The following KNTC1 variants were observed in gnomAD, a reference collection of about 807,000 sequenced individuals.
The protein encoded by KNTC1 is kinetochore associated 1, also known as kinetochore-associated protein 1.
A neutral mutation model predicts 314.4 loss-of-function variants in KNTC1; 253 were observed. That is an observed-to-expected ratio of 0.80 (90% CI 0.73 to 0.89). The LOEUF (loss-of-function observed/expected upper bound fraction) is 0.89. KNTC1 is among the 40% of genes least tolerant of loss of function. KNTC1 has a pLI of 0.00. For missense variants in KNTC1, 2,475 were observed against 2,572.9 expected (o/e 0.96, Z 0.82); for synonymous variants, 901 against 901.4 (o/e 1.00, Z 0.01).
intron 20 of KNTC1, among the ~76,000 whole-genome samples, chr12:122,565,365 C>T (rs1250036679): frequency 6.6e-6 from 1 of 151,756 alleles, no homozygotes; most frequent in African/African-American, 2.4e-5. Flanking sequence ...AGTGATCCTC[C>T]TGCCTCGGCC....
chr12:122,569,327 C>T (rs1448034936), intron 21 of KNTC1, among the ~76,000 whole-genome samples: 1 of 152,128 alleles, frequency 6.6e-6, no homozygotes, highest in Non-Finnish European at 1.5e-5. Context: ...TTAAGGTTGG[C>T]CAAAGTTGGT....
At position 122,534,695 on chromosome 12, in the gene KNTC1, G is replaced by T; in HGVS notation, c.161G>T (p.Ser54Ile). Residue 54 changes from serine to isoleucine, a missense_variant, in exon 3 of 64, where the codon AGC (serine) becomes ATC (isoleucine). Coordinates refer to ENST00000333479, the MANE Select transcript of KNTC1 (RefSeq NM_014708.6). ...TTAAATCCAAAGATACAGGCATGCA[G>T]CTTAAGTGATGGGTTTATTATTGTA... ...ASLNPKIQAC[S>I]LSDGFIIVAD... The T allele has an allele frequency of 6.2e-7, 1 of 1,610,446 alleles. No homozygotes were observed. The highest frequency in any genetic ancestry group is 2.2e-5 in the East Asian group (1 of 44,826).
chr12:122,586,071 GTTTGT>G (rs140077437), intron 37 of KNTC1, among the ~76,000 whole-genome samples: 3 of 102,490 alleles, frequency 2.9e-5, no homozygotes, highest in South Asian at 2.7e-4. Context: ...TTTTTTGTGT[GTTTGT>G]TTTGTTTTGT....
intron 59 of KNTC1, 36 bp downstream of exon 59, chr12:122,618,581 A>G: frequency 6.8e-7 from 1 of 1,463,040 alleles, no homozygotes; most frequent in Non-Finnish European, 9.5e-7. Flanking sequence ...AAAAAAAAAA[A>G]GTTTGTTGCT....
rs1209095045 is a variant in KNTC1, at chr12:122,589,699, T to C, written c.3999+883T>C. ...GTTGCCCAGGCTGGTCTTGGACTCT[T>C]GGCCTCGAGCAATCCTTCCACCTTG... On this transcript the variant is annotated intron_variant, in intron 40 of 63. Coordinates refer to ENST00000333479, the MANE Select transcript of KNTC1 (RefSeq NM_014708.6). Among the ~76,000 whole-genome samples the C allele has an allele frequency of 3.9e-5, 6 of 151,992 alleles. No homozygotes were observed. In the East Asian group the frequency reaches 9.7e-4, roughly 24 times the overall value.
intron 3 of KNTC1, among the ~76,000 whole-genome samples, chr12:122,535,947 G>T (rs1321107798): frequency 1.4e-5 from 2 of 141,066 alleles, no homozygotes; most frequent in African/African-American, 5.3e-5. Context: ...AGGCTGTAGT[G>T]CAGTGGCACA....
chr12:122,569,989 G>A (rs1271064785), intron 22 of KNTC1, among the ~76,000 whole-genome samples, 165 bp downstream of exon 22: 1 of 152,196 alleles, frequency 6.6e-6, no homozygotes, highest in East Asian at 1.9e-4. Context: ...AGAAGGAGAT[G>A]TTATCATTTG....
chr12:122,553,466 A>G (rs1033989743), intron 16 of KNTC1, among the ~76,000 whole-genome samples: 1 of 152,022 alleles, frequency 6.6e-6, no homozygotes, highest in Non-Finnish European at 1.5e-5. Context: ...GCTATACTGC[A>G]ATAAGATTGG....
chr12:122,585,607 C>A (rs547935349), intron 36 of KNTC1, 29 bp from the exon 37 acceptor site: 4 of 1,612,140 alleles, frequency 2.5e-6, no homozygotes, highest in East Asian at 4.5e-5. Flanking sequence ...GTACTGAGTT[C>A]TCTCTTTTTT....
chr12:122,586,658 G>T, intron 37 of KNTC1, 43 bp from the exon 38 acceptor site: 1 of 971,938 alleles, frequency 1.0e-6, no homozygotes, highest in East Asian at 2.8e-5. Flanking sequence ...TTTTAGTGTG[G>T]CCATCTATTT....
intron 18 of KNTC1, 77 bp from the exon 19 acceptor site, chr12:122,561,841 GTTA>G: frequency 2.5e-6 from 3 of 1,221,750 alleles, no homozygotes; most frequent in Non-Finnish European, 2.3e-6. Context: ...AAAATTTTTT[GTTA>G]TTTCACAGAA....
At chr12:122,559,230 C>T (rs1309055676) in intron 18 of KNTC1, among the ~76,000 whole-genome samples, 1 of 152,044 alleles carries the variant, frequency 6.6e-6, no homozygotes, top group Non-Finnish European at 1.5e-5. Context: ...GTGGCACGCA[C>T]CTGTAGTCCC....
rs1201321436 is a variant in KNTC1, at chr12:122,618,463, T to TG, written c.6086-19_6086-18insG. On this transcript the variant is annotated intron_variant, in intron 58 of 63. Coordinates refer to ENST00000333479, the MANE Select transcript of KNTC1 (RefSeq NM_014708.6). Reference sequence around the variant, plus strand: ...TTGAGTGTGTGTATATCATGGTTGTTTTTTTGTTTTGTTTTCAGCCTCTTG... The same window carrying TG: ...TTGAGTGTGTGTATATCATGGTTGTTGTTTTTGTTTTGTTTTCAGCCTCTTG... 20 of 1,610,846 alleles carry TG rather than the reference T, an allele frequency of 1.2e-5. No homozygotes were observed. Among genetic ancestry groups the TG allele is most frequent in the East Asian group, 8.9e-5 (4 of 44,864 alleles).
At chr12:122,585,567 T>C in intron 36 of KNTC1, 69 bp from the exon 37 acceptor site, 1 of 1,524,584 alleles carries the variant, frequency 6.6e-7, no homozygotes, top group Non-Finnish European at 9.0e-7. Flanking sequence ...CTATAAGCCA[T>C]AGACCAGAAG....
chr12:122,606,685 A>G (rs184419575), intron 51 of KNTC1, among the ~76,000 whole-genome samples: 1 of 152,234 alleles, frequency 6.6e-6, no homozygotes, highest in African/African-American at 2.4e-5. Context: ...AAATGCAAAA[A>G]TAGTAAAAAA....
Position 122,605,217 on chromosome 12 carries a change from G to T in KNTC1, c.5387-89G>T, listed in dbSNP as rs532044817. Reference sequence around the variant, plus strand: ...TATATGTATATACTTATATGTGTATGTATGTGCATATATACACATACACAT... The same window carrying T: ...TATATGTATATACTTATATGTGTATTTATGTGCATATATACACATACACAT... On this transcript the variant is annotated intron_variant, in intron 50 of 63. Coordinates refer to ENST00000333479, the MANE Select transcript of KNTC1 (RefSeq NM_014708.6). The T allele has an allele frequency of 5.7e-6, 6 of 1,044,048 alleles. No homozygotes were observed. In the Admixed American group the frequency reaches 1.1e-4, roughly 20 times the overall value. 64.7% of individuals were successfully genotyped at this position (1,044,048 alleles called of 1,614,324 possible). A position where few individuals can be genotyped will look rare whatever the true frequency, so the allele number is the denominator to read the frequency against.
intron 45 of KNTC1, 165 bp from the exon 46 acceptor site, chr12:122,602,404 T>C (rs1268470098): frequency 1.9e-6 from 1 of 528,518 alleles, no homozygotes; most frequent in Non-Finnish European, 3.3e-6. Context: ...AATTATAGTT[T>C]AGATGAATAA....
In KNTC1 at chr12:122,569,805, G is replaced by A; in HGVS notation, c.1841G>A (p.Arg614Lys). The A allele has an allele frequency of 6.2e-7, 1 of 1,612,632 alleles. No homozygotes were observed. Among genetic ancestry groups the A allele is most frequent in the Non-Finnish European group, 8.5e-7 (1 of 1,179,426 alleles). Reference protein sequence around the residue: ...FKNDVIPFVRRTVPEGQIILA... With the variant: ...FKNDVIPFVRKTVPEGQIILA... ...AATGATGTGATTCCATTTGTAAGAA[G>A]GACTGTGCCTGAAGGACAGGTGAGT... The change falls in exon 22 of 64, where the codon AGG (arginine) becomes AAG (lysine). Residue 614 changes from arginine to lysine, a missense_variant. Coordinates refer to ENST00000333479, the MANE Select transcript of KNTC1 (RefSeq NM_014708.6).
chr12:122,546,558 T>G (rs866607546), intron 9 of KNTC1, 64 bp from the exon 10 acceptor site: 3 of 1,091,666 alleles, frequency 2.7e-6, no homozygotes, highest in Middle Eastern at 4.4e-4. Context: ...ATATGTTAGT[T>G]TTTTATTTAG....
Sources: allele counts gnomAD v4.1 joint callset (sites outside exome capture counted in the v4.1 genomes callset), GRCh38; gene constraint gnomAD v4.1.1; transcripts MANE v1.5; gene names NCBI Gene and HGNC (gene_info 2026-07-23, HGNC 2026-07-21).